NEGR1: variants seen among roughly 807,000 people sequenced by gnomAD.
NEGR1 encodes IgLON family member 4.
A neutral mutation model predicts 40.9 loss-of-function variants in NEGR1; 10 were observed. The observed-to-expected ratio is 0.24, with a 90% CI of 0.15 to 0.42. The LOEUF is 0.42. Among genes scored for constraint, NEGR1 ranks in the 10% least tolerant of loss-of-function variants. NEGR1 has a pLI of 1.00. For missense variants in NEGR1, 352 were observed against 438.9 expected, an observed-to-expected ratio of 0.80 and a Z score of 1.77; for synonymous variants, 185 against 166.8, an observed-to-expected ratio of 1.11 and a Z score of -0.84.
At chr1:72,260,639 C>A (rs1008303221) in intron 1 of NEGR1, among the ~76,000 whole-genome samples, 2 of 150,644 alleles carry the variant, frequency 1.3e-5, no homozygotes. Flanking sequence ...AGATACTTTT[C>A]AAACTGACTA....
intron 1 of NEGR1, among the ~76,000 whole-genome samples, chr1:72,043,699 T>C (rs1646975709): frequency 6.6e-6 from 1 of 151,920 alleles, no homozygotes; most frequent in Non-Finnish European, 1.5e-5. Context: ...TTTGAAGATT[T>C]TGAGTTTTCC....
At chr1:71,596,951 TATATC>T (rs1451724253) in intron 5 of NEGR1, among the ~76,000 whole-genome samples, 1 of 152,200 alleles carries the variant, frequency 6.6e-6, no homozygotes, top group African/African-American at 2.4e-5. Context: ...ATGATAATGA[TATATC>T]ATTTTATATG....
chr1:71,907,888 C>T (rs1420000429), intron 2 of NEGR1, among the ~76,000 whole-genome samples: 1 of 152,038 alleles, frequency 6.6e-6, no homozygotes, highest in Non-Finnish European at 1.5e-5. Flanking sequence ...GTCCTAAGCA[C>T]ATTAACACAG....
chr1:71,571,756 C>G (rs1207404417), intron 6 of NEGR1, among the ~76,000 whole-genome samples: 1 of 146,716 alleles, frequency 6.8e-6, no homozygotes, highest in African/African-American at 2.5e-5. Context: ...TGGTGCCACT[C>G]CAGCCTGGGT....
intron 1 of NEGR1, among the ~76,000 whole-genome samples, chr1:72,113,638 A>C (rs1301257834): frequency 6.6e-6 from 1 of 151,638 alleles, no homozygotes; most frequent in African/African-American, 2.4e-5. Context: ...AGTGTGGTGA[A>C]GGATGGGTAA....
chr1:72,136,821 T>C (rs1353434248), intron 1 of NEGR1, among the ~76,000 whole-genome samples: 4 of 152,008 alleles, frequency 2.6e-5, no homozygotes, highest in Non-Finnish European at 5.9e-5. Context: ...ACCTACAGAA[T>C]GGGAGAAAAT....
chr1:72,190,999 T>C (rs1652800419), intron 1 of NEGR1, among the ~76,000 whole-genome samples: 1 of 151,670 alleles, frequency 6.6e-6, no homozygotes, highest in Non-Finnish European at 1.5e-5. Context: ...CTCTGAACCA[T>C]GTGTAAACAG....
At chr1:71,742,714 C>T (rs898993115) in intron 3 of NEGR1, among the ~76,000 whole-genome samples, 1 of 152,050 alleles carries the variant, frequency 6.6e-6, no homozygotes, top group Non-Finnish European at 1.5e-5. Flanking sequence ...CAGTCACACC[C>T]GTAACTGACT....
intron 1 of NEGR1, among the ~76,000 whole-genome samples, chr1:72,177,518 TTC>T (rs574277738): frequency 7.1e-4 from 108 of 152,208 alleles, no homozygotes; most frequent in African/African-American, 2.1e-3. Flanking sequence ...TTGAATTATC[TTC>T]TTTTTATGGA....
At chr1:71,533,875 ATTGCATTT>A (rs1318312882) in intron 6 of NEGR1, among the ~76,000 whole-genome samples, 1 of 151,654 alleles carries the variant, frequency 6.6e-6, no homozygotes, top group Non-Finnish European at 1.5e-5. Context: ...CCAGAAAAAC[ATTGCATTT>A]TTGAGAAACT....
intron 3 of NEGR1, among the ~76,000 whole-genome samples, chr1:71,751,758 GA>G (rs1475427037): frequency 3.3e-5 from 5 of 151,324 alleles, no homozygotes; most frequent in African/African-American, 9.7e-5. Context: ...ATTGGGCTCA[GA>G]GCAGCATTTT....
At chr1:71,486,048 A>T (rs1420949862) in intron 6 of NEGR1, among the ~76,000 whole-genome samples, 2 of 151,750 alleles carry the variant, frequency 1.3e-5, no homozygotes, top group Non-Finnish European at 3.0e-5. Flanking sequence ...GTCTACCAGG[A>T]ATGAATAAGA....
intron 4 of NEGR1, among the ~76,000 whole-genome samples, chr1:71,673,024 A>C (rs1652488487): frequency 6.6e-6 from 1 of 152,020 alleles, no homozygotes; most frequent in Non-Finnish European, 1.5e-5. Flanking sequence ...TCATGAGGTC[A>C]GGAGATCGAG....
chr1:71,930,551 C>T (rs1193549786), intron 2 of NEGR1, among the ~76,000 whole-genome samples: 2 of 152,086 alleles, frequency 1.3e-5, no homozygotes, highest in Non-Finnish European at 2.9e-5. Context: ...AATACTCCTC[C>T]ATAAGCCACT....
chr1:71,592,678 G>T, intron 6 of NEGR1, 139 bp downstream of exon 6: 1 of 610,286 alleles, frequency 1.6e-6, no homozygotes, highest in Non-Finnish European at 2.8e-6. Flanking sequence ...CCATGTGTAA[G>T]GATTGCGTGA....
At chr1:71,631,007 G>A (rs1455176681) in intron 4 of NEGR1, among the ~76,000 whole-genome samples, 1 of 151,832 alleles carries the variant, frequency 6.6e-6, no homozygotes, top group Admixed American at 6.6e-5. Flanking sequence ...TGTGCATAGC[G>A]ATTATGAACT....
chr1:71,408,253 G>A (rs568360924), intron 6 of NEGR1, among the ~76,000 whole-genome samples: 3 of 152,052 alleles, frequency 2.0e-5, no homozygotes, highest in South Asian at 4.1e-4. Flanking sequence ...TATAAAGGTA[G>A]ATTTAGTCTT....
intron 6 of NEGR1, among the ~76,000 whole-genome samples, chr1:71,465,910 T>C (rs1646742349): frequency 6.6e-6 from 1 of 152,022 alleles, no homozygotes; most frequent in Non-Finnish European, 1.5e-5. Flanking sequence ...TTAGAGTATA[T>C]ATATAAAGGA....
rs186680744 is a variant in NEGR1, at chr1:71,435,973, G to C, written c.941-28403C>G. Among the ~76,000 whole-genome samples the C allele has an allele frequency of 2.5e-3, 376 of 152,246 alleles. 2 individuals carry two copies. The highest frequency in any genetic ancestry group is 8.8e-3 in the African/African-American group (367 of 41,542). On this transcript the variant is annotated intron_variant, in intron 6 of 6. Coordinates refer to ENST00000357731, the MANE Select transcript of NEGR1 (RefSeq NM_173808.3). ...GTGGTGGGTCATGAGGACCTTTAAAGCTCACTACACACAGTACTCTATGTA... is the reference window on the plus strand; with the variant it reads ...GTGGTGGGTCATGAGGACCTTTAAACCTCACTACACACAGTACTCTATGTA...
Sources: gnomAD v4.1 joint callset for allele counts (sites outside exome capture counted in the v4.1 genomes callset) on GRCh38, gnomAD v4.1.1 for gene constraint, MANE v1.5 for transcripts, NCBI Gene and HGNC (gene_info 2026-07-23, HGNC 2026-07-21) for gene names.